The following CECR2 variants were observed in gnomAD, a reference collection of about 807,000 sequenced individuals.
CECR2 encodes the protein CECR2 histone acetyl-lysine reader.
A neutral mutation model predicts 154.5 loss-of-function variants in CECR2; 30 were observed. That is an observed-to-expected ratio of 0.19 (90% CI 0.15 to 0.26). CECR2 has a LOEUF of 0.26. Ranked by LOEUF, CECR2 falls within the 10% of genes least tolerant of loss-of-function variation. The pLI, the probability that CECR2 is intolerant of heterozygous loss-of-function variation, is 1.00. For synonymous variants in CECR2, 725 were observed against 683.7 expected (o/e 1.06, Z -0.94); for missense variants, 1,743 against 1,829.3 (o/e 0.95, Z 0.86).
At chr22:17,417,051 T>TA (rs920107714) in intron 1 of CECR2, among the ~76,000 whole-genome samples, 10 of 151,244 alleles carry the variant, frequency 6.6e-5, no homozygotes, top group East Asian at 1.9e-4. Context: ...AAAGGGACTT[T>TA]AAAAAAAATC....
At chr22:17,460,733 G>A (rs561934745) in intron 1 of CECR2, among the ~76,000 whole-genome samples, 1 of 152,010 alleles carries the variant, frequency 6.6e-6, no homozygotes, top group East Asian at 1.9e-4. Context: ...TGTCCCAGTC[G>A]TTGAATCACA....
At chr22:17,399,477 G>T (rs2053860311) in intron 1 of CECR2, among the ~76,000 whole-genome samples, 1 of 150,708 alleles carries the variant, frequency 6.6e-6, no homozygotes, top group Non-Finnish European at 1.5e-5. Context: ...GAGTGCCGTG[G>T]CGTGATCTCG....
At chr22:17,532,030 C>T (rs970340552) in intron 9 of CECR2, among the ~76,000 whole-genome samples, 7 of 151,986 alleles carry the variant, frequency 4.6e-5, no homozygotes, top group African/African-American at 1.7e-4. Flanking sequence ...ATTAGCCAGA[C>T]ATGGTGGTGC....
chr22:17,505,211 C>T (rs1193781441), intron 7 of CECR2, among the ~76,000 whole-genome samples, 195 bp downstream of exon 7: 1 of 152,082 alleles, frequency 6.6e-6, no homozygotes, highest in Non-Finnish European at 1.5e-5. Context: ...ATCATGTTCT[C>T]CTTCCCCCAG....
At chr22:17,518,424 G>T (rs1286982935) in intron 8 of CECR2, among the ~76,000 whole-genome samples, 1 of 152,182 alleles carries the variant, frequency 6.6e-6, no homozygotes, top group African/African-American at 2.4e-5. Context: ...AGTAAAAACA[G>T]CATGGTCTTT....
intron 16 of CECR2, among the ~76,000 whole-genome samples, chr22:17,546,355 G>A (rs555337009): frequency 3.3e-5 from 5 of 151,910 alleles, no homozygotes; most frequent in South Asian, 2.1e-4. Context: ...GCATGGTGTC[G>A]GGCGCCTGTA....
At chr22:17,462,091 G>T (rs2054948266) in intron 1 of CECR2, among the ~76,000 whole-genome samples, 1 of 151,576 alleles carries the variant, frequency 6.6e-6, no homozygotes, top group African/African-American at 2.4e-5. Context: ...ATGCTCGGCA[G>T]TACCTGTTAC....
At chr22:17,370,808 CTATTTT>C (rs1375300270) in intron 1 of CECR2, among the ~76,000 whole-genome samples, 2 of 152,332 alleles carry the variant, frequency 1.3e-5, no homozygotes, top group Admixed American at 1.3e-4. Flanking sequence ...CCCCTTTCTC[CTATTTT>C]TATTTTTATT....
chr22:17,464,310 A>G (rs1262968714), intron 1 of CECR2, among the ~76,000 whole-genome samples: 1 of 152,200 alleles, frequency 6.6e-6, no homozygotes, highest in Non-Finnish European at 1.5e-5. Context: ...TAATTAAAAG[A>G]AAACTCCTAG....
intron 4 of CECR2, 143 bp downstream of exon 4, chr22:17,499,692 C>A: frequency 1.2e-6 from 1 of 820,702 alleles, no homozygotes; most frequent in Non-Finnish European, 1.8e-6. Context: ...TAAGGAGATA[C>A]TTCATGCAAA....
Position 17,542,988 on chromosome 22 carries a change from C to T in CECR2, c.2845C>T (p.Pro949Ser). The change falls in exon 16 of 19, where the codon CCT becomes TCT. Residue 949 changes from proline to serine, a missense_variant. Transcript: ENST00000262608. ...RAPENSEAQE[P>S]ENDQAEPLPG... ...ACCGGAGAACAGTGAAGCACAAGAG[C>T]CTGAGAATGACCAAGGTAATTTACA... 6.2e-7 allele frequency: 1 copy of T among 1,607,354 alleles called. No individual in the cohort carries two copies. The highest frequency in any genetic ancestry group is 8.5e-7 in the Non-Finnish European group (1 of 1,176,432).
intron 7 of CECR2, among the ~76,000 whole-genome samples, chr22:17,509,865 A>C (rs1006465847): frequency 1.3e-5 from 2 of 152,234 alleles, no homozygotes; most frequent in Non-Finnish European, 2.9e-5. Flanking sequence ...TCTGTCCGCC[A>C]TCAGAAGATT....
In CECR2 at chr22:17,399,692, G is replaced by A. The variant is rs1341731838; in HGVS notation, c.126+29783G>A. Among the ~76,000 whole-genome samples, 3 of 152,248 alleles carry A rather than the reference G, an allele frequency of 2.0e-5. 1 individual carries two copies. The East Asian group carries it at 5.8e-4, about 29-fold the overall frequency. ...CAAAGTGCTGGGATTACAGGCGTGA[G>A]CCACCGCACCCAACCTGTAATGGTG... On this transcript the variant is annotated intron_variant, in intron 1 of 18. Coordinates refer to ENST00000262608, the MANE Select transcript of CECR2 (RefSeq NM_001290047.2).
At chr22:17,491,584 G>GGA (rs1430363992) in intron 2 of CECR2, among the ~76,000 whole-genome samples, 4 of 126,424 alleles carry the variant, frequency 3.2e-5, no homozygotes, top group African/African-American at 8.5e-5. Context: ...TGTGTGTGTG[G>GGA]GGGGGTGGGT....
intron 1 of CECR2, among the ~76,000 whole-genome samples, chr22:17,463,481 G>T (rs2054975809): frequency 6.6e-6 from 1 of 152,092 alleles, no homozygotes; most frequent in South Asian, 2.1e-4. Flanking sequence ...GAAGAGAGGG[G>T]TTTCTGAATC....
intron 1 of CECR2, among the ~76,000 whole-genome samples, chr22:17,455,450 A>G (rs1438218849): frequency 6.6e-6 from 1 of 152,122 alleles, no homozygotes; most frequent in African/African-American, 2.4e-5. Flanking sequence ...TCTTCCCAGG[A>G]TTTACACATA....
At chr22:17,494,150 C>G (rs1444098785) in intron 2 of CECR2, among the ~76,000 whole-genome samples, 1 of 152,260 alleles carries the variant, frequency 6.6e-6, no homozygotes, top group Non-Finnish European at 1.5e-5. Context: ...GGCTGGAGCG[C>G]AATGGCGCGA....
intron 7 of CECR2, among the ~76,000 whole-genome samples, chr22:17,509,112 A>C (rs961257648): frequency 1.4e-4 from 21 of 152,180 alleles, no homozygotes; most frequent in African/African-American, 5.1e-4. Flanking sequence ...TTAGTCAGGC[A>C]TGGTGATGGG....
At chr22:17,543,432 C>T (rs1221532480) in intron 16 of CECR2, among the ~76,000 whole-genome samples, 1 of 151,924 alleles carries the variant, frequency 6.6e-6, no homozygotes, top group South Asian at 2.1e-4. Flanking sequence ...CCCGGCCTTC[C>T]CAGCTTCTCT....
Sources: gnomAD v4.1 joint callset for allele counts (sites outside exome capture counted in the v4.1 genomes callset) on GRCh38, gnomAD v4.1.1 for gene constraint, MANE v1.5 for transcripts, NCBI Gene and HGNC (gene_info 2026-07-23, HGNC 2026-07-21) for gene names.